MYO1H: variants seen among roughly 807,000 people sequenced by gnomAD.
MYO1H encodes unconventional myosin-Ih.
MYO1H carries 118 observed loss-of-function variants against 149.3 expected under a neutral mutation model. The observed-to-expected ratio is 0.79, with a 90% CI of 0.68 to 0.92. The LOEUF (loss-of-function observed/expected upper bound fraction) is 0.92. Ranked by LOEUF, MYO1H falls within the 40% of genes least tolerant of loss-of-function variation. MYO1H has a pLI of 0.00. For synonymous variants in MYO1H, 447 were observed against 465.2 expected (o/e 0.96, Z 0.50); for missense variants, 1,212 against 1,280.7 (o/e 0.95, Z 0.82).
intron 1 of MYO1H, among the ~76,000 whole-genome samples, chr12:109,368,994 CT>C (rs200491901): frequency 2.7e-5 from 4 of 149,150 alleles, no homozygotes; most frequent in Admixed American, 6.7e-5. Flanking sequence ...TGATTTCTTT[CT>C]TTTTTTTTTG....
intron 14 of MYO1H, among the ~76,000 whole-genome samples, chr12:109,414,434 A>C (rs1014727545): frequency 1.4e-5 from 2 of 146,682 alleles, no homozygotes; most frequent in Admixed American, 7.1e-5. Flanking sequence ...CCGAGATCAC[A>C]CCACTGCACT....
At position 109,424,682 on chromosome 12, in the gene MYO1H, C is replaced by T. The variant is rs180746636; in HGVS notation, c.1645-66C>T. 2.1e-3 allele frequency: 2,612 copies of T among 1,266,632 alleles called. 4 individuals carry two copies. Among genetic ancestry groups the T allele is most frequent in the Non-Finnish European group, 2.6e-3 (2,260 of 879,766 alleles). The allele number at this position is 1,266,632 out of a possible 1,614,324, so 78.5% of individuals were successfully genotyped here. A position where few individuals can be genotyped will look rare whatever the true frequency, so the allele number is the denominator to read the frequency against. On this transcript the variant is annotated intron_variant, in intron 16 of 31. Coordinates refer to ENST00000310903, the Ensembl canonical transcript of MYO1H. ...GTTGCTTCATGCACACTCTGTGAGC[C>T]GTCCTGACAGCCCTGTAGTGATTTC...
At chr12:109,441,674 A>G in exon 26 of MYO1H, 2 of 1,613,336 alleles carry the variant, frequency 1.2e-6, no homozygotes, top group Non-Finnish European at 8.5e-7. Flanking sequence ...GCTACACAGA[A>G]AGTTTAAATC....
rs571176010 is a variant in MYO1H, at chr12:109,394,818, G to A, written c.290+1372G>A. ...GCTTTGTCACCCAGACTGGAGAGCA[G>A]TGACACAGTAATGGATCACTGCAGC... On this transcript the variant is annotated intron_variant, in intron 3 of 31. Coordinates refer to ENST00000310903, the Ensembl canonical transcript of MYO1H. 1.9e-4 allele frequency among the ~76,000 whole-genome samples: 29 copies of A among 152,232 alleles called. No individual in the cohort carries two copies. The South Asian group carries it at 3.5e-3, about 18-fold the overall frequency.
chr12:109,447,939 C>T (rs145765107), exon 32 of MYO1H: 100 of 152,322 alleles, frequency 6.6e-4, no homozygotes, highest in African/African-American at 2.3e-3. Context: ...AATGCCACAG[C>T]GCAAAAGCGT....
chr12:109,370,340 A>G (rs1868955672), intron 1 of MYO1H, among the ~76,000 whole-genome samples: 1 of 152,192 alleles, frequency 6.6e-6, no homozygotes, highest in Non-Finnish European at 1.5e-5. Context: ...GTGGGAAGGT[A>G]GTTCCTGTCA....
intron 3 of MYO1H, among the ~76,000 whole-genome samples, chr12:109,396,169 C>T (rs1331654377): frequency 6.6e-6 from 1 of 152,054 alleles, no homozygotes; most frequent in Non-Finnish European, 1.5e-5. Flanking sequence ...GTGATCCACC[C>T]GCCTCAGCTT....
chr12:109,403,553 G>C (rs987162158), intron 6 of MYO1H, among the ~76,000 whole-genome samples: 30 of 152,128 alleles, frequency 2.0e-4, no homozygotes, highest in African/African-American at 6.8e-4. Flanking sequence ...TGCAGGAAAG[G>C]CTTCTTTCAT....
chr12:109,355,690 T>TTTG (rs1868576545), intron 1 of MYO1H, among the ~76,000 whole-genome samples: 5 of 151,530 alleles, frequency 3.3e-5, no homozygotes, highest in African/African-American at 1.2e-4. Flanking sequence ...TGTTTTGTTT[T>TTTG]GTTTGGTTTG....
chr12:109,442,104 C>T, intron 26 of MYO1H, 113 bp from the exon 27 acceptor site: 2 of 858,996 alleles, frequency 2.3e-6, no homozygotes, highest in South Asian at 1.5e-5. Context: ...ATGGCTATTT[C>T]CCCACCTGAG....
intron 8 of MYO1H, 91 bp from the exon 9 acceptor site, chr12:109,406,698 G>C: frequency 8.2e-7 from 1 of 1,222,590 alleles, no homozygotes; most frequent in East Asian, 2.4e-5. Flanking sequence ...TCCCACCTGG[G>C]TAACAGAGCC....
At chr12:109,396,644 C>T (rs1869921551) in intron 4 of MYO1H, 62 bp downstream of exon 4, 31 of 1,451,892 alleles carry the variant, frequency 2.1e-5, no homozygotes, top group Non-Finnish European at 2.8e-5. Context: ...TGAGACAAAT[C>T]CTGTCTGGGC....
chr12:109,403,725 T>A (rs1870261182), intron 6 of MYO1H, among the ~76,000 whole-genome samples: 1 of 152,144 alleles, frequency 6.6e-6, no homozygotes, highest in Non-Finnish European at 1.5e-5. Context: ...TAAAAACACA[T>A]ACAAAAAGAT....
intron 11 of MYO1H, among the ~76,000 whole-genome samples, 157 bp downstream of exon 11, chr12:109,409,781 G>T (rs1870585868): frequency 6.6e-6 from 1 of 151,924 alleles, no homozygotes; most frequent in Non-Finnish European, 1.5e-5. Context: ...CCTAGATGTG[G>T]ACTAACCATA....
At chr12:109,406,381 G>A (rs910903013) in intron 8 of MYO1H, among the ~76,000 whole-genome samples, 9 of 148,578 alleles carry the variant, frequency 6.1e-5, no homozygotes, top group African/African-American at 1.7e-4. Context: ...CAGGAGGATC[G>A]CTTGAGGCCA....
At position 109,393,551 on chromosome 12, in the gene MYO1H, C is replaced by CCATCCATCCATCCATCCATCCATCCATT. The variant is rs1869762498; in HGVS notation, c.290+130_290+131insATTCATCCATCCATCCATCCATCCATCC. On this transcript the variant is annotated intron_variant, in intron 3 of 31. Coordinates refer to ENST00000310903, the Ensembl canonical transcript of MYO1H. ...TCTGTCCATCCATTCATCCATCCATCCATCCATCCATCCATCCATCCATCC... is the reference window on the plus strand; with the variant it reads ...TCTGTCCATCCATTCATCCATCCATCCATCCATCCATCCATCCATCCATCCATTCATCCATCCATCCATCCATCCATCC... 5.9e-5 allele frequency: 36 copies of CCATCCATCCATCCATCCATCCATCCATT among 609,858 alleles called. No individual in the cohort carries two copies. In the African/African-American group the frequency reaches 5.9e-4, roughly 10 times the overall value. 37.8% of individuals were successfully genotyped at this position (609,858 alleles called of 1,614,324 possible).
chr12:109,419,204 A>ACG (rs1239942864), intron 15 of MYO1H, among the ~76,000 whole-genome samples: 1 of 152,088 alleles, frequency 6.6e-6, no homozygotes, highest in African/African-American at 2.4e-5. Context: ...ACACACACAC[A>ACG]CACACACACA....
exon 32 of MYO1H, chr12:109,447,419 G>A (rs543051365): frequency 3.2e-5 from 19 of 597,114 alleles, no homozygotes; most frequent in Admixed American, 5.7e-5. Flanking sequence ...CAGGTCACCC[G>A]AAGGCGCAAT....
chr12:109,325,823 C>G, the MYO1H span, among the ~76,000 whole-genome samples: 9 of 152,278 alleles, frequency 5.9e-5, no homozygotes, highest in African/African-American at 2.2e-4. Flanking sequence ...AAAAATAGCT[C>G]ATCATCACTG....
Sources: gnomAD v4.1 joint callset for allele counts (sites outside exome capture counted in the v4.1 genomes callset) on GRCh38, gnomAD v4.1.1 for gene constraint, MANE v1.5 for transcripts, NCBI Gene and HGNC (gene_info 2026-07-23, HGNC 2026-07-21) for gene names.